Variants in DCLRE1C observed in about 807,000 individuals in gnomAD.
DCLRE1C encodes protein artemis.
A neutral mutation model predicts 61.4 loss-of-function variants in DCLRE1C; 47 were observed. That is an observed-to-expected ratio of 0.77 (90% CI 0.61 to 0.98). The LOEUF is 0.98. DCLRE1C is among the 50% of genes least tolerant of loss of function. The pLI is 0.00. For synonymous variants in DCLRE1C, 337 were observed against 287.6 expected (o/e 1.17, Z -1.74); for missense variants, 858 against 816.0 (o/e 1.05, Z -0.63).
chr10:14,915,183 A>C (rs1835970515), intron 13 of DCLRE1C, among the ~76,000 whole-genome samples: 1 of 152,190 alleles, frequency 6.6e-6, no homozygotes, highest in Non-Finnish European at 1.5e-5. Flanking sequence ...TGCCTACATT[A>C]GAAAATAAGG....
chr10:14,919,635 C>G, intron 13 of DCLRE1C, 103 bp downstream of exon 13: 2 of 870,878 alleles, frequency 2.3e-6, no homozygotes, highest in Admixed American at 3.4e-5. Flanking sequence ...GTGGTGGGTC[C>G]CAGGTCCACT....
At chr10:14,920,604 A>G (rs1352421962) in intron 12 of DCLRE1C, among the ~76,000 whole-genome samples, 2 of 152,094 alleles carry the variant, frequency 1.3e-5, no homozygotes, top group Admixed American at 6.6e-5. Flanking sequence ...GTCTCTTTAC[A>G]TCATTTCAGC....
At chr10:14,913,864 C>G (rs1024928902) in intron 13 of DCLRE1C, among the ~76,000 whole-genome samples, 1 of 151,986 alleles carries the variant, frequency 6.6e-6, no homozygotes, top group Non-Finnish European at 1.5e-5. Flanking sequence ...TGGAACCAAT[C>G]CCCCAAGGAT....
At chr10:14,936,177 A>T (rs929612523) in intron 5 of DCLRE1C, among the ~76,000 whole-genome samples, 1 of 152,040 alleles carries the variant, frequency 6.6e-6, no homozygotes, top group African/African-American at 2.4e-5. Flanking sequence ...TACAGGTGTG[A>T]GCCACCACAC....
rs190876316 is a variant in DCLRE1C at position 14,947,131 on chromosome 10, G to A, written c.161+1905C>T. On this transcript the variant is annotated intron_variant, in intron 2 of 13. Coordinates refer to ENST00000378278, the MANE Select transcript of DCLRE1C (RefSeq NM_001033855.3). ...GGAGGCTGAGCTGGGAGAATTGCTTGAACCTGGGAGGCAGAGATTGCAGTG... is the reference window on the plus strand; with the variant it reads ...GGAGGCTGAGCTGGGAGAATTGCTTAAACCTGGGAGGCAGAGATTGCAGTG... Among the ~76,000 whole-genome samples the A allele has an allele frequency of 9.1e-4, 139 of 152,270 alleles. 1 individual carries two copies. The highest frequency in any genetic ancestry group is 7.5e-3 in the Admixed American group (115 of 15,272).
rs201956020 is a variant in DCLRE1C, at chr10:14,928,265, T to TA, written c.781-114dup. 3.6e-4 allele frequency: 339 copies of TA among 936,124 alleles called. 1 individual carries two copies. The highest frequency in any genetic ancestry group is 4.4e-4 in the Non-Finnish European group (280 of 629,886). 58.0% of individuals were successfully genotyped at this position (936,124 alleles called of 1,614,324 possible). ...TTTCCAGACACGAAAAAATAAAAAA[T>TA]AAAAAAAAAGCAGCAAAACAATGTA... On this transcript the variant is annotated intron_variant, in intron 9 of 13. Transcript: ENST00000378278.
chr10:14,910,168 G>C (rs536657199), intron 13 of DCLRE1C, among the ~76,000 whole-genome samples: 1 of 152,232 alleles, frequency 6.6e-6, no homozygotes, highest in Non-Finnish European at 1.5e-5. Context: ...CCATTATCCA[G>C]CTCCCATGTT....
At chr10:14,944,439 C>T (rs1418036460) in intron 3 of DCLRE1C, among the ~76,000 whole-genome samples, 1 of 152,002 alleles carries the variant, frequency 6.6e-6, no homozygotes, top group East Asian at 1.9e-4. Context: ...GCAGAGGTTG[C>T]AGTGAGCCGA....
intron 1 of DCLRE1C, among the ~76,000 whole-genome samples, chr10:14,950,357 C>CAAAAAAAAAAAAAAAAAAACA (rs1263617788): frequency 1.8e-4 from 13 of 70,942 alleles, no homozygotes; most frequent in Non-Finnish European, 3.1e-4. Flanking sequence ...AAATAATAAC[C>CAAAAAAAAAAAAAAAAAAACA]AAAAAAAAAA....
intron 11 of DCLRE1C, among the ~76,000 whole-genome samples, chr10:14,924,667 T>C (rs1255714592): frequency 6.6e-6 from 1 of 151,854 alleles, no homozygotes; most frequent in Admixed American, 6.6e-5. Flanking sequence ...GCTAACACGG[T>C]GAAACCCCGT....
intron 9 of DCLRE1C, among the ~76,000 whole-genome samples, chr10:14,932,027 C>T (rs1309999021): frequency 2.0e-5 from 3 of 149,958 alleles, no homozygotes; most frequent in Non-Finnish European, 4.4e-5. Flanking sequence ...GAGCAAGGCT[C>T]GTCTCAAAAA....
At chr10:14,949,266 C>T (rs981117585) in intron 1 of DCLRE1C, among the ~76,000 whole-genome samples, 179 bp from the exon 2 acceptor site, 4 of 152,210 alleles carry the variant, frequency 2.6e-5, no homozygotes, top group Admixed American at 6.5e-5. Context: ...CTCCTCAGAA[C>T]AGGACCGGCT....
At chr10:14,926,671 A>G (rs1482984404) in intron 11 of DCLRE1C, among the ~76,000 whole-genome samples, 172 bp downstream of exon 11, 1 of 151,996 alleles carries the variant, frequency 6.6e-6, no homozygotes, top group Non-Finnish European at 1.5e-5. Flanking sequence ...AAAAAAAAAA[A>G]AAAGGAATCC....
At chr10:14,899,539 G>A (rs1461918155) in intron 13 of DCLRE1C, 5 of 1,612,844 alleles carry the variant, frequency 3.1e-6, no homozygotes, top group Non-Finnish European at 4.2e-6. Flanking sequence ...TTCTGTTTAG[G>A]TAATCACAAG....
At chr10:14,950,910 G>T (rs41304316) in intron 1 of DCLRE1C, among the ~76,000 whole-genome samples, 1 of 152,252 alleles carries the variant, frequency 6.6e-6, no homozygotes, top group East Asian at 1.9e-4. Flanking sequence ...GTCCCCTCTA[G>T]GGGATTTCCC....
chr10:14,898,775 CAT>C (rs1213006097), exon 14 of DCLRE1C: 1 of 154,740 alleles, frequency 6.5e-6, no homozygotes, highest in African/African-American at 2.4e-5. Context: ...ATGAAAATAA[CAT>C]ATTCTACAAA....
chr10:14,930,487 C>T (rs143340906), intron 9 of DCLRE1C, among the ~76,000 whole-genome samples: 2,269 of 151,860 alleles, frequency 0.015, 40 homozygotes, highest in African/African-American at 0.051. Flanking sequence ...GACTGGAGTG[C>T]AGTGGTGACA....
rs373718407 is a variant in DCLRE1C, at chr10:14,936,524, A to T, written c.362+14T>A. 3.7e-6 allele frequency: 6 copies of T among 1,605,782 alleles called. No homozygotes were observed. The African/African-American group carries it at 8.0e-5, about 21-fold the overall frequency. On this transcript the variant is annotated intron_variant, in intron 5 of 13. Coordinates refer to ENST00000378278, the MANE Select transcript of DCLRE1C (RefSeq NM_001033855.3). The stretch of plus-strand genomic sequence containing the variant: ...CTACATATAATAAAATGACAAAATA[A>T]ATGACCCCCTTACATAACTGATCCC...
chr10:14,933,112 G>A (rs1163225155), intron 8 of DCLRE1C, among the ~76,000 whole-genome samples, 157 bp from the exon 9 acceptor site: 5 of 152,110 alleles, frequency 3.3e-5, no homozygotes, highest in South Asian at 2.1e-4. Flanking sequence ...CTGGTATTCC[G>A]CCAGCATGTC....
Sources: gnomAD v4.1 joint callset for allele counts (sites outside exome capture counted in the v4.1 genomes callset) on GRCh38, gnomAD v4.1.1 for gene constraint, MANE v1.5 for transcripts, NCBI Gene and HGNC (gene_info 2026-07-23, HGNC 2026-07-21) for gene names.